HPSE2: variants seen among roughly 807,000 people sequenced by gnomAD.
HPSE2 encodes heparanase 2 (inactive), also known as inactive heparanase-2.
A neutral mutation model predicts 60.5 loss-of-function variants in HPSE2; 38 were observed. The ratio of observed to expected loss-of-function variants is 0.63; its 90% confidence interval spans 0.48 to 0.82. The LOEUF (loss-of-function observed/expected upper bound fraction) is 0.82, where lower values mean the gene tolerates loss of function less well. Ranked by LOEUF, HPSE2 falls within the 40% of genes least tolerant of loss-of-function variation. The pLI, the probability that HPSE2 is intolerant of heterozygous loss-of-function variation, is 0.00. For synonymous variants in HPSE2, 295 were observed against 293.2 expected, an observed-to-expected ratio of 1.01 and a Z score of -0.06; for missense variants, 713 against 740.4, an observed-to-expected ratio of 0.96 and a Z score of 0.43.
At chr10:99,255,563 T>TACACACACAC in the HPSE2 span, among the ~76,000 whole-genome samples, 1 of 147,328 alleles carries the variant, frequency 6.8e-6, no homozygotes, top group Non-Finnish European at 1.5e-5. Flanking sequence ...CATGCACACA[T>TACACACACAC]ACACACACAC....
intron 9 of HPSE2, among the ~76,000 whole-genome samples, chr10:98,551,667 CA>C (rs1203362168): frequency 6.6e-6 from 1 of 152,148 alleles, no homozygotes; most frequent in Non-Finnish European, 1.5e-5. Context: ...CAGAGTTATC[CA>C]ATTTCCTACC....
intron 3 of HPSE2, among the ~76,000 whole-genome samples, chr10:98,791,460 C>T (rs1197686817): frequency 6.6e-6 from 1 of 152,084 alleles, no homozygotes; most frequent in Admixed American, 6.6e-5. Flanking sequence ...TTTAGCACAT[C>T]TGCTATAAAA....
chr10:99,136,229 A>C (rs1300367188), intron 3 of HPSE2, among the ~76,000 whole-genome samples: 1 of 152,206 alleles, frequency 6.6e-6, no homozygotes, highest in Non-Finnish European at 1.5e-5. Context: ...ATAAGTTCGG[A>C]AATTGAAGCA....
Position 99,013,525 on chromosome 10 carries a change from G to A in HPSE2, c.610+130713C>T. 3 of 302,744 alleles carry A rather than the reference G, an allele frequency of 9.9e-6. 1 individual carries two copies. The South Asian group carries it at 1.0e-4, about 10-fold the overall frequency. 18.8% of individuals were successfully genotyped at this position (302,744 alleles called of 1,614,324 possible). A position where few individuals can be genotyped will look rare whatever the true frequency, so the allele number is the denominator to read the frequency against. On this transcript the variant is annotated intron_variant, in intron 3 of 11. Transcript: ENST00000370552. ...CTTGCTTTGTCACCCAGGCTGGAGT[G>A]TACTGGCACGATCACAGCTCACTGC...
At chr10:99,106,022 T>G (rs889667795) in intron 3 of HPSE2, among the ~76,000 whole-genome samples, 1 of 152,116 alleles carries the variant, frequency 6.6e-6, no homozygotes, top group African/African-American at 2.4e-5. Context: ...TTACAAAATG[T>G]TTTGATATTG....
intron 6 of HPSE2, among the ~76,000 whole-genome samples, chr10:98,645,805 C>T (rs559230093): frequency 1.8e-4 from 28 of 152,010 alleles, no homozygotes; most frequent in South Asian, 4.2e-4. Flanking sequence ...GGTGAAACCC[C>T]GTCTCTACTA....
At chr10:99,280,397 C>G in the HPSE2 span, among the ~76,000 whole-genome samples, 40 of 152,198 alleles carry the variant, frequency 2.6e-4, no homozygotes, top group African/African-American at 9.2e-4. Context: ...CTAACATCTG[C>G]TGTATAGTAA....
intron 2 of HPSE2, among the ~76,000 whole-genome samples, chr10:99,169,192 CAAA>C (rs751491579): frequency 1.6e-4 from 8 of 50,510 alleles, no homozygotes; most frequent in Admixed American, 2.7e-4. Context: ...GACTCCGTCT[CAAA>C]AAAAAAAAAA....
At chr10:98,837,628 A>T (rs560290069) in intron 3 of HPSE2, among the ~76,000 whole-genome samples, 2 of 151,820 alleles carry the variant, frequency 1.3e-5, no homozygotes, top group South Asian at 4.2e-4. Flanking sequence ...TAATCCCAGC[A>T]CTTTGGGAGG....
the HPSE2 span, among the ~76,000 whole-genome samples, chr10:99,314,269 T>C: frequency 0.88 from 132,902 of 151,528 alleles, 58,497 homozygotes; most frequent in African/African-American, 0.94. Flanking sequence ...CTCAAGCCAT[T>C]CTCCCACCTC....
At chr10:98,734,397 A>ATGTTTATT (rs1949299497) in intron 4 of HPSE2, among the ~76,000 whole-genome samples, 1 of 152,094 alleles carries the variant, frequency 6.6e-6, no homozygotes, top group African/African-American at 2.4e-5. Flanking sequence ...TTACTTGGTA[A>ATGTTTATT]TTTTATGTTT....
intron 2 of HPSE2, among the ~76,000 whole-genome samples, chr10:99,205,695 G>C (rs115155845): frequency 6.6e-6 from 1 of 152,158 alleles, no homozygotes; most frequent in African/African-American, 2.4e-5. Flanking sequence ...ACAGTCAAAA[G>C]AAATGTAAAA....
intron 11 of HPSE2, chr10:98,461,823 G>C (rs1940303109): frequency 1.9e-6 from 3 of 1,592,716 alleles, no homozygotes; most frequent in Non-Finnish European, 2.6e-6. Flanking sequence ...TTGGGTTCTG[G>C]GGAGTGCAAA....
At chr10:99,190,318 A>T (rs762251557) in intron 2 of HPSE2, among the ~76,000 whole-genome samples, 19 of 152,222 alleles carry the variant, frequency 1.2e-4, no homozygotes, top group Non-Finnish European at 2.6e-4. Flanking sequence ...GAAGTTACAT[A>T]ATCTCTTTGT....
chr10:98,816,648 CA>C (rs1951297030), intron 3 of HPSE2, among the ~76,000 whole-genome samples: 3 of 152,068 alleles, frequency 2.0e-5, no homozygotes, highest in Non-Finnish European at 1.5e-5. Context: ...GGAAGTACCC[CA>C]ATTAGCTAAC....
upstream of HPSE2, chr10:99,235,954 G>GCTCT (rs959700530): frequency 6.1e-5 from 33 of 542,242 alleles, no homozygotes; most frequent in Non-Finnish European, 5.9e-5. Flanking sequence ...TCTCTCTCCC[G>GCTCT]CTCTCTCTCT....
At chr10:98,590,339 G>T (rs1945054668) in intron 9 of HPSE2, among the ~76,000 whole-genome samples, 2 of 152,226 alleles carry the variant, frequency 1.3e-5, no homozygotes, top group African/African-American at 4.8e-5. Context: ...CTACTCAGGA[G>T]GCTGAGGCAG....
At chr10:98,535,572 T>C (rs1176492986) in intron 9 of HPSE2, among the ~76,000 whole-genome samples, 1 of 152,170 alleles carries the variant, frequency 6.6e-6, no homozygotes, top group Non-Finnish European at 1.5e-5. Flanking sequence ...GGTGGACCAC[T>C]TGAAACTCCT....
At chr10:99,196,769 G>A (rs796527001) in intron 2 of HPSE2, among the ~76,000 whole-genome samples, 8 of 152,252 alleles carry the variant, frequency 5.3e-5, no homozygotes, top group African/African-American at 1.9e-4. Context: ...TGGTGCTGGT[G>A]CAAATGTAGA....
Sources: gnomAD v4.1 joint callset for allele counts (sites outside exome capture counted in the v4.1 genomes callset) on GRCh38, gnomAD v4.1.1 for gene constraint, MANE v1.5 for transcripts, NCBI Gene and HGNC (gene_info 2026-07-23, HGNC 2026-07-21) for gene names.